Variants in ARHGAP26 observed in about 807,000 individuals in gnomAD.
The protein encoded by ARHGAP26 is Rho GTPase activating protein 26.
ARHGAP26 carries 38 observed loss-of-function variants against 104.8 expected under a neutral mutation model. The observed-to-expected ratio is 0.36, with a 90% CI of 0.28 to 0.48. ARHGAP26 has a LOEUF of 0.48. ARHGAP26 is among the 20% of genes least tolerant of loss of function. The pLI is 0.99. For synonymous variants in ARHGAP26, 341 were observed against 340.0 expected (o/e 1.00, Z -0.03); for missense variants, 704 against 947.9 (o/e 0.74, Z 3.38).
At chr5:143,139,690 G>T (rs1456479610) in intron 19 of ARHGAP26, among the ~76,000 whole-genome samples, 1 of 152,164 alleles carries the variant, frequency 6.6e-6, no homozygotes, top group Non-Finnish European at 1.5e-5. Flanking sequence ...AGCCACTCAC[G>T]CTCATTTGCG....
intron 7 of ARHGAP26, among the ~76,000 whole-genome samples, chr5:142,902,736 C>T (rs182900388): frequency 6.6e-6 from 1 of 152,306 alleles, no homozygotes; most frequent in East Asian, 1.9e-4. Context: ...ACATAGTAGT[C>T]AGTGTTGTCT....
intron 18 of ARHGAP26, among the ~76,000 whole-genome samples, chr5:143,121,672 T>C (rs933030084): frequency 3.3e-5 from 5 of 152,262 alleles, no homozygotes; most frequent in African/African-American, 9.6e-5. Context: ...CGCGTGTCTT[T>C]ATGGTCTGTC....
At position 142,825,730 on chromosome 5, in the gene ARHGAP26, C is replaced by T. The variant is rs190640840; in HGVS notation, c.155-47670C>T. On this transcript the variant is annotated intron_variant, in intron 1 of 22. Transcript: ENST00000645722. ...AAGGAAAAGGCAAGTAGTTAAGAGC[C>T]GATATTCCGAAGCAAGGTATTCTAA... Among the ~76,000 whole-genome samples, 24 of 152,266 alleles carry T rather than the reference C, an allele frequency of 1.6e-4. No individual in the cohort carries two copies. In the East Asian group the frequency reaches 3.5e-3, roughly 22 times the overall value.
chr5:142,916,666 C>T (rs553520405), intron 10 of ARHGAP26, among the ~76,000 whole-genome samples: 1 of 152,270 alleles, frequency 6.6e-6, no homozygotes, highest in East Asian at 1.9e-4. Flanking sequence ...GAGCTGAATG[C>T]TTACCTGTAT....
intron 1 of ARHGAP26, among the ~76,000 whole-genome samples, chr5:142,793,145 C>T (rs1318822482): frequency 1.3e-5 from 2 of 151,850 alleles, no homozygotes; most frequent in East Asian, 1.9e-4. Flanking sequence ...GCCTGACATT[C>T]GTTCCTCTGC....
chr5:143,222,241 C>T, intron 22 of ARHGAP26, 117 bp from the exon 23 acceptor site: 1 of 496,548 alleles, frequency 2.0e-6, no homozygotes, highest in Non-Finnish European at 3.1e-6. Context: ...TCCAAGCTTC[C>T]TTCATACACA....
chr5:143,025,481 A>T (rs1266889179), intron 12 of ARHGAP26, among the ~76,000 whole-genome samples: 2 of 152,190 alleles, frequency 1.3e-5, no homozygotes, highest in Non-Finnish European at 2.9e-5. Context: ...GCTGATGATG[A>T]TCTCTTTCGG....
Position 143,206,944 on chromosome 5 carries a change from G to A in ARHGAP26, c.1989-254G>A, listed in dbSNP as rs562690950. On this transcript the variant is annotated intron_variant, in intron 20 of 22. Transcript: ENST00000645722. ...GTCGCCAATGTACATGATCGAAGAA[G>A]CTTCTATCACCTGAAAAGCAGTTGT... 3.0e-4 allele frequency among the ~76,000 whole-genome samples: 46 copies of A among 152,324 alleles called. 2 individuals are homozygous for A. Among genetic ancestry groups the A allele is most frequent in the African/African-American group, 9.6e-4 (40 of 41,572 alleles).
intron 1 of ARHGAP26, among the ~76,000 whole-genome samples, chr5:142,800,475 G>A (rs1761871188): frequency 6.6e-6 from 1 of 151,280 alleles, no homozygotes; most frequent in South Asian, 2.1e-4. Context: ...CAATTCTCCT[G>A]CCTCAGCCTC....
chr5:143,196,585 C>A (rs1297944065), intron 20 of ARHGAP26, among the ~76,000 whole-genome samples: 1 of 152,186 alleles, frequency 6.6e-6, no homozygotes, highest in Non-Finnish European at 1.5e-5. Context: ...TAACTCATGC[C>A]TGGAGCTCAT....
At position 143,133,968 on chromosome 5, in the gene ARHGAP26, T is replaced by A. The variant is rs1405875819; in HGVS notation, c.1700T>A (p.Ile567Lys). The change falls in exon 19 of 23, where the codon ATA (isoleucine) becomes AAA (lysine). Residue 567 changes from isoleucine to lysine, a missense_variant and splice_region_variant. Physicochemically the swap from Ile to Lys is moderately radical, Grantham distance 102 (BLOSUM62 -3). Transcript: ENST00000645722. ...IEILIENHEK[I>K]FNTVPDMPLT... ...CTTGTTGTGAAACTTCGTTTGCAGA[T>A]ATTTAACACCGTGCCCGATATGCCT... 6.2e-7 allele frequency: 1 copy of A among 1,608,784 alleles called. No individual in the cohort carries two copies. The highest frequency in any genetic ancestry group is 8.5e-7 in the Non-Finnish European group (1 of 1,177,156).
intron 22 of ARHGAP26, among the ~76,000 whole-genome samples, chr5:143,221,241 A>C (rs1240531948): frequency 6.6e-6 from 1 of 152,128 alleles, no homozygotes; most frequent in Admixed American, 6.5e-5. Context: ...TCATGATGTC[A>C]CAAAAGTAGA....
intron 1 of ARHGAP26, 34 bp from the exon 2 acceptor site, chr5:142,873,366 T>C: frequency 6.5e-7 from 1 of 1,532,570 alleles, no homozygotes. Flanking sequence ...TTAATTTTAG[T>C]AATTCCTGAT....
intron 10 of ARHGAP26, chr5:142,921,503 C>T (rs1332664085): frequency 1.8e-5 from 3 of 167,040 alleles, no homozygotes; most frequent in Admixed American, 1.3e-4. Context: ...AGCAGGTGCT[C>T]ACTTAACCTG....
intron 17 of ARHGAP26, among the ~76,000 whole-genome samples, chr5:143,090,001 C>T (rs1292571173): frequency 1.3e-5 from 2 of 152,244 alleles, no homozygotes; most frequent in Non-Finnish European, 2.9e-5. Context: ...ACCACACATC[C>T]GTTTGGGGAT....
At chr5:143,207,707 T>G (rs139860747) in intron 21 of ARHGAP26, among the ~76,000 whole-genome samples, 1,717 of 152,396 alleles carry the variant, frequency 0.011, 14 homozygotes, top group Middle Eastern at 0.037. Context: ...AACCAGACTC[T>G]GGTTTTGATG....
At chr5:142,927,681 GTA>G (rs970413164) in intron 10 of ARHGAP26, among the ~76,000 whole-genome samples, 1 of 152,164 alleles carries the variant, frequency 6.6e-6, no homozygotes, top group African/African-American at 2.4e-5. Context: ...TTTCTCTTGA[GTA>G]TATATGTAGA....
intron 1 of ARHGAP26, among the ~76,000 whole-genome samples, chr5:142,821,485 G>A (rs1766180527): frequency 6.6e-6 from 1 of 151,808 alleles, no homozygotes; most frequent in South Asian, 2.1e-4. Context: ...TAGTCTCAGA[G>A]TCATCTGTAA....
intron 12 of ARHGAP26, among the ~76,000 whole-genome samples, chr5:143,020,619 T>C (rs1256703325): frequency 1.4e-5 from 2 of 146,896 alleles, no homozygotes; most frequent in Non-Finnish European, 3.0e-5. Context: ...GTTTTTAATC[T>C]AGTGCTCTAG....
Sources: gnomAD v4.1 joint callset for allele counts (sites outside exome capture counted in the v4.1 genomes callset) on GRCh38, gnomAD v4.1.1 for gene constraint, MANE v1.5 for transcripts, NCBI Gene and HGNC (gene_info 2026-07-23, HGNC 2026-07-21) for gene names.